Variants in NEGR1 observed in about 807,000 individuals in gnomAD.
NEGR1 encodes the protein neuronal growth regulator 1, also known as IgLON family member 4.
A neutral mutation model predicts 40.9 loss-of-function variants in NEGR1; 10 were observed. The observed-to-expected ratio is 0.24, with a 90% CI of 0.15 to 0.42. The LOEUF (loss-of-function observed/expected upper bound fraction) is 0.42. Among genes scored for constraint, NEGR1 ranks in the 10% least tolerant of loss-of-function variants. NEGR1 has a pLI of 1.00. For missense variants in NEGR1, 352 were observed against 438.9 expected (o/e 0.80, Z 1.77); for synonymous variants, 185 against 166.8 (o/e 1.11, Z -0.84).
chr1:71,418,948 T>C (rs186064804), intron 6 of NEGR1, among the ~76,000 whole-genome samples: 1 of 152,358 alleles, frequency 6.6e-6, no homozygotes, highest in African/African-American at 2.4e-5. Context: ...TTTCACACAC[T>C]TTTTGTATTT....
intron 1 of NEGR1, among the ~76,000 whole-genome samples, chr1:72,229,015 T>C (rs1654275975): frequency 6.6e-6 from 1 of 152,100 alleles, no homozygotes; most frequent in South Asian, 2.1e-4. Flanking sequence ...TCCATCCTGT[T>C]CCATGCCTCT....
chr1:72,010,296 G>A (rs1172556837), intron 1 of NEGR1, among the ~76,000 whole-genome samples: 1 of 152,086 alleles, frequency 6.6e-6, no homozygotes, highest in African/African-American at 2.4e-5. Context: ...GCTCGAGACA[G>A]CTGATAAAAT....
chr1:71,936,014 G>A (rs1570526960), intron 1 of NEGR1, among the ~76,000 whole-genome samples: 1 of 152,036 alleles, frequency 6.6e-6, no homozygotes, highest in Non-Finnish European at 1.5e-5. Flanking sequence ...GGCCAGACTG[G>A]TCTTGAACTC....
intron 2 of NEGR1, among the ~76,000 whole-genome samples, chr1:71,908,893 T>C (rs1011129915): frequency 1.3e-5 from 2 of 152,212 alleles, no homozygotes; most frequent in African/African-American, 4.8e-5. Flanking sequence ...ATATTTTCTT[T>C]CTTTTCTTAA....
intron 3 of NEGR1, among the ~76,000 whole-genome samples, chr1:71,765,205 G>T (rs368990898): frequency 1.3e-5 from 2 of 152,122 alleles, no homozygotes; most frequent in African/African-American, 4.8e-5. Flanking sequence ...CTATGACAAT[G>T]CCTGACTGCA....
At chr1:72,280,438 C>T (rs2100571125) in intron 1 of NEGR1, among the ~76,000 whole-genome samples, 1 of 152,298 alleles carries the variant, frequency 6.6e-6, no homozygotes, top group Admixed American at 6.5e-5. Context: ...CATATTGCAG[C>T]TCCCATGATA....
chr1:71,464,293 C>T (rs1217604451), intron 6 of NEGR1, among the ~76,000 whole-genome samples: 2 of 151,960 alleles, frequency 1.3e-5, no homozygotes, highest in African/African-American at 4.8e-5. Flanking sequence ...TAAGAGAATA[C>T]GGCAAATCTG....
chr1:72,261,624 C>T lies in NEGR1; in HGVS notation c.176+20695G>A, dbSNP rs530411855. Among the ~76,000 whole-genome samples, 10 of 152,064 alleles carry T rather than the reference C, an allele frequency of 6.6e-5. No homozygotes were observed. The South Asian group carries it at 8.3e-4, about 13-fold the overall frequency. On this transcript the variant is annotated intron_variant, in intron 1 of 6. Coordinates refer to ENST00000357731, the MANE Select transcript of NEGR1 (RefSeq NM_173808.3). ...GTGGTGTCCGGCACCACTTTGGCAA[C>T]GCTTGGCATAAAGCATGCAAGGTCC... is the stretch of plus-strand genomic sequence containing the variant.
chr1:71,762,666 A>C (rs1445815907), intron 3 of NEGR1, among the ~76,000 whole-genome samples: 3 of 152,188 alleles, frequency 2.0e-5, no homozygotes, highest in Admixed American at 6.5e-5. Flanking sequence ...CAAGGACACT[A>C]TGCTGAATAT....
chr1:71,512,203 T>C (rs1647078747), intron 6 of NEGR1, among the ~76,000 whole-genome samples: 1 of 152,150 alleles, frequency 6.6e-6, no homozygotes, highest in Non-Finnish European at 1.5e-5. Context: ...TACATTCAAA[T>C]GGATCTTTTC....
chr1:71,537,850 A>G (rs913362668), intron 6 of NEGR1, among the ~76,000 whole-genome samples: 5 of 151,714 alleles, frequency 3.3e-5, no homozygotes, highest in African/African-American at 1.2e-4. Flanking sequence ...GCAGTGAAAT[A>G]TTCTTCACGA....
chr1:71,533,694 A>G (rs1426323660), intron 6 of NEGR1, among the ~76,000 whole-genome samples: 1 of 151,686 alleles, frequency 6.6e-6, no homozygotes, highest in Admixed American at 6.6e-5. Flanking sequence ...TAAACAATGT[A>G]TATAGTTGTA....
chr1:71,833,876 C>G (rs1182430246), intron 2 of NEGR1, among the ~76,000 whole-genome samples: 1 of 152,096 alleles, frequency 6.6e-6, no homozygotes, highest in Non-Finnish European at 1.5e-5. Flanking sequence ...ACTAGGTTTC[C>G]AATTAGTCTG....
At chr1:71,524,130 C>A (rs886366198) in intron 6 of NEGR1, among the ~76,000 whole-genome samples, 2 of 151,766 alleles carry the variant, frequency 1.3e-5, no homozygotes, top group Admixed American at 1.3e-4. Flanking sequence ...AGGAAAGAAA[C>A]TATTTCCTAC....
At chr1:72,241,870 T>C (rs936069346) in intron 1 of NEGR1, among the ~76,000 whole-genome samples, 2 of 151,776 alleles carry the variant, frequency 1.3e-5, no homozygotes, top group Admixed American at 6.6e-5. Context: ...TTGAATTAAC[T>C]AATGAATAGC....
chr1:71,999,676 T>TATATATAG (rs1553129022), intron 1 of NEGR1, among the ~76,000 whole-genome samples: 1 of 52,228 alleles, frequency 1.9e-5, no homozygotes, highest in African/African-American at 6.5e-5. Context: ...TATATATATA[T>TATATATAG]ATACATACAT....
intron 1 of NEGR1, among the ~76,000 whole-genome samples, chr1:72,008,661 T>C (rs1208194300): frequency 1.3e-5 from 2 of 152,150 alleles, no homozygotes; most frequent in Admixed American, 6.6e-5. Flanking sequence ...ACTGAAAGTT[T>C]AGCCTTGGCC....
rs1361117281 is a variant in NEGR1 at position 71,706,449 on chromosome 1, A to G, written c.536-8310T>C. Among the ~76,000 whole-genome samples the G allele has an allele frequency of 4.0e-5, 6 of 151,724 alleles. No individual in the cohort carries two copies. The East Asian group carries it at 1.2e-3, about 30-fold the overall frequency. ...CTTAGGTGAGTCCTAGGGAAGAACT[A>G]GGCCCAGACACAGTGGACTGGGAGG... On this transcript the variant is annotated intron_variant, in intron 3 of 6. Coordinates refer to ENST00000357731, the MANE Select transcript of NEGR1 (RefSeq NM_173808.3).
chr1:71,997,781 TTTC>T (rs1646518038), intron 1 of NEGR1, among the ~76,000 whole-genome samples: 1 of 152,030 alleles, frequency 6.6e-6, no homozygotes, highest in South Asian at 2.1e-4. Context: ...AAGTTACTTA[TTTC>T]TTCATCTAAT....
Sources: gnomAD v4.1 joint callset for allele counts (sites outside exome capture counted in the v4.1 genomes callset) on GRCh38, gnomAD v4.1.1 for gene constraint, MANE v1.5 for transcripts, NCBI Gene and HGNC (gene_info 2026-07-23, HGNC 2026-07-21) for gene names.